Variants in CCSER1 observed in about 807,000 individuals in gnomAD.
The protein encoded by CCSER1 is serine-rich coiled-coil domain-containing protein 1.
Under a neutral mutation model 82.0 loss-of-function variants are expected in CCSER1, and 41 were observed. The ratio of observed to expected loss-of-function variants is 0.50; its 90% CI spans 0.39 to 0.65. The LOEUF (loss-of-function observed/expected upper bound fraction) is 0.65. Among genes scored for constraint, CCSER1 ranks in the 30% least tolerant of loss-of-function variants. CCSER1 has a pLI of 0.00. For missense variants in CCSER1, 1,119 were observed against 1,064.2 expected (o/e 1.05, Z -0.72); for synonymous variants, 414 against 383.9 (o/e 1.08, Z -0.92).
chr4:90,326,208 G>A (rs565719443), intron 3 of CCSER1, among the ~76,000 whole-genome samples: 22 of 151,894 alleles, frequency 1.4e-4, no homozygotes, highest in African/African-American at 5.1e-4. Context: ...ACAGGCACCT[G>A]CCACCACGCC....
At chr4:91,591,193 T>C (rs1198853703) in intron 10 of CCSER1, among the ~76,000 whole-genome samples, 1 of 152,148 alleles carries the variant, frequency 6.6e-6, no homozygotes, top group Non-Finnish European at 1.5e-5. Flanking sequence ...AAGTAATACA[T>C]ACTTAAACAT....
intron 10 of CCSER1, among the ~76,000 whole-genome samples, chr4:91,375,403 T>C (rs1414517235): frequency 6.6e-6 from 1 of 152,140 alleles, no homozygotes; most frequent in East Asian, 1.9e-4. Context: ...AGAGGATCGG[T>C]TCCACTTTTG....
At chr4:90,727,204 A>G (rs1184535002) in intron 7 of CCSER1, 1 of 454,510 alleles carries the variant, frequency 2.2e-6, no homozygotes, top group African/African-American at 2.0e-5. Context: ...TTTTTAATAG[A>G]ATATTCAGCA....
intron 10 of CCSER1, among the ~76,000 whole-genome samples, chr4:91,420,781 CAACTT>C (rs1753642926): frequency 6.6e-6 from 1 of 152,070 alleles, no homozygotes; most frequent in Admixed American, 6.6e-5. Flanking sequence ...AATATGGAAA[CAACTT>C]AAGTGTCAGC....
intron 4 of CCSER1, among the ~76,000 whole-genome samples, chr4:90,445,537 C>T (rs1461621682): frequency 1.3e-5 from 2 of 152,080 alleles, no homozygotes; most frequent in East Asian, 3.9e-4. Context: ...GACATAACTT[C>T]CATACCATTC....
intron 6 of CCSER1, among the ~76,000 whole-genome samples, chr4:90,666,889 CAG>C: frequency 6.6e-6 from 1 of 152,200 alleles, no homozygotes; most frequent in Non-Finnish European, 1.5e-5. Context: ...GAGCGTCAGA[CAG>C]AGATGGCAGA....
chr4:90,730,452 T>G (rs2149400306), intron 7 of CCSER1, among the ~76,000 whole-genome samples: 1 of 152,330 alleles, frequency 6.6e-6, no homozygotes, highest in Middle Eastern at 3.4e-3. Context: ...ATTTGTCAAG[T>G]ACCTACCATG....
At chr4:90,971,208 G>A (rs926743301) in intron 9 of CCSER1, among the ~76,000 whole-genome samples, 5 of 151,874 alleles carry the variant, frequency 3.3e-5, no homozygotes, top group Non-Finnish European at 5.9e-5. Context: ...AGTTCCACAG[G>A]CTGTACAGGA....
At chr4:90,273,605 G>A (rs1401145989) in intron 1 of CCSER1, among the ~76,000 whole-genome samples, 1 of 152,136 alleles carries the variant, frequency 6.6e-6, no homozygotes, top group Non-Finnish European at 1.5e-5. Flanking sequence ...AAACCAAGTT[G>A]TATAGTTAAT....
chr4:91,429,419 A>C (rs1029892676), intron 10 of CCSER1, among the ~76,000 whole-genome samples: 5 of 152,050 alleles, frequency 3.3e-5, no homozygotes, highest in Admixed American at 6.6e-5. Context: ...TTAAAAGTAC[A>C]TAAAAAGTCA....
intron 10 of CCSER1, among the ~76,000 whole-genome samples, chr4:91,202,558 A>G (rs1399086321): frequency 6.6e-6 from 1 of 152,034 alleles, no homozygotes; most frequent in African/African-American, 2.4e-5. Context: ...CGAAAGAGGC[A>G]GGATAGTATT....
chr4:90,781,850 T>C, intron 7 of CCSER1: 5 of 936,376 alleles, frequency 5.3e-6, no homozygotes, highest in Non-Finnish European at 6.4e-6. Flanking sequence ...TTGTGTTTTC[T>C]ATTTCAGTTT....
intron 5 of CCSER1, among the ~76,000 whole-genome samples, chr4:90,491,609 G>C (rs971954740): frequency 2.6e-5 from 4 of 152,002 alleles, no homozygotes; most frequent in African/African-American, 9.7e-5. Context: ...TTCAAAGGGA[G>C]TAGGTCCAGT....
In CCSER1 at chr4:91,020,959, A is replaced by G. The variant is rs114230246; in HGVS notation, c.2173-64991A>G. On this transcript the variant is annotated intron_variant, in intron 9 of 10. Transcript: ENST00000509176. Reference sequence around the variant, plus strand: ...TTTGTGATGATAAATAACCCAAGCTACTAGCTACATTCCTTTAAATCGTTA... The same window carrying G: ...TTTGTGATGATAAATAACCCAAGCTGCTAGCTACATTCCTTTAAATCGTTA... Among the ~76,000 whole-genome samples, 707 of 152,256 alleles carry G rather than the reference A, an allele frequency of 4.6e-3. 6 individuals carry two copies. Among genetic ancestry groups the G allele is most frequent in the African/African-American group, 0.016 (651 of 41,568 alleles).
intron 7 of CCSER1, among the ~76,000 whole-genome samples, chr4:90,775,087 G>C (rs1752720378): frequency 6.6e-6 from 1 of 151,876 alleles, no homozygotes; most frequent in South Asian, 2.1e-4. Context: ...ATTTAACAAA[G>C]GAAAAAAATG....
chr4:90,447,340 G>A (rs180823466), intron 4 of CCSER1, among the ~76,000 whole-genome samples: 1,848 of 142,910 alleles, frequency 0.013, 28 homozygotes, highest in African/African-American at 0.043. Context: ...TCTTCCTGGG[G>A]AAAAAAAAAA....
chr4:90,414,049 G>C (rs111880886), intron 4 of CCSER1, among the ~76,000 whole-genome samples: 9,387 of 112,556 alleles, frequency 0.083, 742 homozygotes, highest in African/African-American at 0.22. Context: ...AATAATGATA[G>C]AAATAAAATA....
chr4:90,423,906 A>G (rs1309933519), intron 4 of CCSER1, among the ~76,000 whole-genome samples: 10 of 151,850 alleles, frequency 6.6e-5, no homozygotes, highest in Non-Finnish European at 1.3e-4. Flanking sequence ...GATCGAAACC[A>G]TGGTGAAACC....
intron 9 of CCSER1, among the ~76,000 whole-genome samples, chr4:91,033,407 C>A (rs770411077): frequency 5.9e-5 from 9 of 152,088 alleles, no homozygotes; most frequent in Admixed American, 6.6e-5. Context: ...TATCCCACTT[C>A]TCTCTTCCTT....
Sources: allele counts gnomAD v4.1 joint callset (sites outside exome capture counted in the v4.1 genomes callset), GRCh38; gene constraint gnomAD v4.1.1; transcripts MANE v1.5; gene names NCBI Gene and HGNC (gene_info 2026-07-23, HGNC 2026-07-21).